The following PLD1 variants were observed in gnomAD, a reference collection of about 807,000 sequenced individuals.
The protein encoded by PLD1 is phospholipase D1.
PLD1 carries 112 observed loss-of-function variants against 137.1 expected under a neutral mutation model. That is an observed-to-expected ratio of 0.82 (90% confidence interval 0.70 to 0.96). The LOEUF is 0.96. Among genes scored for constraint, PLD1 ranks in the 40% least tolerant of loss-of-function variants. The pLI is 0.00. For missense variants in PLD1, 1,321 were observed against 1,342.0 expected, an observed-to-expected ratio of 0.98 and a Z score of 0.24; for synonymous variants, 431 against 454.7, an observed-to-expected ratio of 0.95 and a Z score of 0.66.
At chr3:171,635,510 T>G (rs1036180104) in intron 23 of PLD1, among the ~76,000 whole-genome samples, 3 of 152,140 alleles carry the variant, frequency 2.0e-5, no homozygotes, top group African/African-American at 7.2e-5. Context: ...GAATTTCTAG[T>G]GACTAGTGAT....
intron 18 of PLD1, among the ~76,000 whole-genome samples, chr3:171,675,216 G>A (rs887381490): frequency 6.6e-6 from 1 of 152,002 alleles, no homozygotes; most frequent in Non-Finnish European, 1.5e-5. Context: ...GCAAAAATGA[G>A]ACTATTGTTT....
At position 171,688,673 on chromosome 3, in the gene PLD1, T is replaced by A; in HGVS notation, c.1539+3A>T. On this transcript the variant is annotated splice_donor_region_variant and intron_variant, in intron 14 of 26. Transcript: ENST00000351298. ...CATTTCCATAAAGGTTAAATATACT[T>A]ACTGGGAGGGAACCCAGAGACGGTC... 1 of 1,605,050 alleles carries A rather than the reference T, an allele frequency of 6.2e-7. No individual in the cohort carries two copies. The highest frequency in any genetic ancestry group is 8.5e-7 in the Non-Finnish European group (1 of 1,171,732).
At chr3:171,702,407 G>A (rs1716324617) in intron 11 of PLD1, among the ~76,000 whole-genome samples, 1 of 151,672 alleles carries the variant, frequency 6.6e-6, no homozygotes, top group Admixed American at 6.6e-5. Context: ...AGGATTGCTT[G>A]AACCTAGAAG....
intron 1 of PLD1, among the ~76,000 whole-genome samples, chr3:171,745,668 A>AG (rs749237950): frequency 2.1e-4 from 32 of 152,168 alleles, no homozygotes; most frequent in Non-Finnish European, 3.8e-4. Context: ...GTTGTACATC[A>AG]GGGGGGTAAG....
At chr3:171,701,636 TA>T (rs1443533458) in intron 11 of PLD1, among the ~76,000 whole-genome samples, 5 of 152,140 alleles carry the variant, frequency 3.3e-5, no homozygotes, top group Non-Finnish European at 1.5e-5. Context: ...GGATAATGCA[TA>T]AAAAGAAAAA....
chr3:171,691,029 C>T lies in PLD1; in HGVS notation c.1338+1303G>A, dbSNP rs1715103151. 2.0e-5 allele frequency among the ~76,000 whole-genome samples: 3 copies of T among 152,122 alleles called. No individual in the cohort carries two copies. In the South Asian group the frequency reaches 6.2e-4, roughly 32 times the overall value. The stretch of plus-strand genomic sequence containing the variant: ...AAATATGTATAATTTTTATATCTTG[C>T]TGTATTGAACCTTTTATTAATATAT... On this transcript the variant is annotated intron_variant, in intron 13 of 26. Transcript: ENST00000351298.
intron 1 of PLD1, among the ~76,000 whole-genome samples, chr3:171,749,481 A>G (rs9816933): frequency 0.32 from 49,144 of 152,084 alleles, 8,523 homozygotes; most frequent in African/African-American, 0.41. Context: ...AAAACTGTAC[A>G]TAAAAATTAT....
At chr3:171,708,053 A>G (rs1288545529) in intron 11 of PLD1, among the ~76,000 whole-genome samples, 1 of 152,228 alleles carries the variant, frequency 6.6e-6, no homozygotes, top group Non-Finnish European at 1.5e-5. Context: ...GAAGGAAAAC[A>G]CATTTTAGAC....
chr3:171,747,937 T>G (rs915350856), intron 1 of PLD1, among the ~76,000 whole-genome samples: 8 of 152,180 alleles, frequency 5.3e-5, no homozygotes, highest in African/African-American at 1.9e-4. Context: ...AAACTGAAAA[T>G]TAAAATATCT....
intron 1 of PLD1, among the ~76,000 whole-genome samples, chr3:171,743,772 G>C (rs2108275806): frequency 6.6e-6 from 1 of 152,294 alleles, no homozygotes; most frequent in South Asian, 2.1e-4. Context: ...CCGCAATCAT[G>C]TGCTGATGCA....
chr3:171,725,921 A>G (rs1718472119), intron 7 of PLD1, 97 bp downstream of exon 7: 6 of 809,278 alleles, frequency 7.4e-6, no homozygotes, highest in East Asian at 2.4e-5. Context: ...GCTAGCAGTA[A>G]AGCCAGGAGG....
At chr3:171,772,775 C>T (rs1722433755) in intron 1 of PLD1, among the ~76,000 whole-genome samples, 1 of 152,076 alleles carries the variant, frequency 6.6e-6, no homozygotes, top group Non-Finnish European at 1.5e-5. Context: ...TTCAGTATGT[C>T]GTTAAATATT....
chr3:171,745,568 A>T (rs1486263785), intron 1 of PLD1, among the ~76,000 whole-genome samples: 2 of 152,214 alleles, frequency 1.3e-5, no homozygotes, highest in Non-Finnish European at 2.9e-5. Context: ...CTGACCTCCA[A>T]CCAGACCCTC....
At chr3:171,773,921 TG>T (rs1237796930) in intron 1 of PLD1, among the ~76,000 whole-genome samples, 2 of 151,972 alleles carry the variant, frequency 1.3e-5, no homozygotes, top group Non-Finnish European at 2.9e-5. Flanking sequence ...GCTAATTTTT[TG>T]TACTTTTAGT....
chr3:171,650,568 T>C (rs1736647502), intron 21 of PLD1, among the ~76,000 whole-genome samples: 1 of 152,116 alleles, frequency 6.6e-6, no homozygotes. Flanking sequence ...AGAACCCTGA[T>C]GCTGAATATA....
chr3:171,642,182 T>C (rs1735810161), intron 23 of PLD1, among the ~76,000 whole-genome samples: 2 of 152,066 alleles, frequency 1.3e-5, no homozygotes, highest in African/African-American at 4.8e-5. Flanking sequence ...AGGCTGCACA[T>C]GGTGGCTCAC....
At chr3:171,775,000 G>T (rs115395495) in intron 1 of PLD1, among the ~76,000 whole-genome samples, 420 of 152,274 alleles carry the variant, frequency 2.8e-3, no homozygotes, top group African/African-American at 9.6e-3. Context: ...GCTGCAGCTG[G>T]GGGACAGTGG....
chr3:171,790,794 C>T (rs184613489), intron 1 of PLD1, among the ~76,000 whole-genome samples: 16 of 152,258 alleles, frequency 1.1e-4, no homozygotes, highest in Admixed American at 3.3e-4. Context: ...CTTCTAGAGC[C>T]GTCATGCCAG....
At chr3:171,789,725 G>GAAAAC (rs1445958844) in intron 1 of PLD1, 10 of 152,146 alleles carry the variant, frequency 6.6e-5, no homozygotes, top group African/African-American at 1.9e-4. Flanking sequence ...GAATAAAGCA[G>GAAAAC]AAAACAAAAC....
Sources: gnomAD v4.1 joint callset for allele counts (sites outside exome capture counted in the v4.1 genomes callset) on GRCh38, gnomAD v4.1.1 for gene constraint, MANE v1.5 for transcripts, NCBI Gene and HGNC (gene_info 2026-07-23, HGNC 2026-07-21) for gene names.